SLC4A9: variants seen among roughly 807,000 people sequenced by gnomAD.
SLC4A9 encodes anion exchange protein 4.
Under a neutral mutation model 103.2 loss-of-function variants are expected in SLC4A9, and 102 were observed. The observed-to-expected ratio is 0.99, with a 90% CI of 0.84 to 1.17. The LOEUF is 1.17. Among genes scored for constraint, SLC4A9 ranks in the 50% most tolerant of loss-of-function variants. SLC4A9 has a pLI of 0.00. For missense variants in SLC4A9, 1,091 were observed against 1,193.7 expected (o/e 0.91, Z 1.27); for synonymous variants, 453 against 483.6 (o/e 0.94, Z 0.83).
In SLC4A9 at chr5:140,363,308, C is replaced by G; in HGVS notation, c.963-131C>G. ...ATATGACCTGGACCTTCTAGAGGCC[C>G]AGGTGTCGCCATGGTTCCCTCGCCG... On this transcript the variant is annotated intron_variant, in intron 7 of 21. Coordinates refer to ENST00000506757, the MANE Select transcript of SLC4A9 (RefSeq NM_031467.3). The surrounding 1 kb of genome is among the most constrained non-coding windows in gnomAD (Gnocchi z 4.5). The G allele has an allele frequency of 1.0e-6, 1 of 952,986 alleles. No homozygotes were observed. The allele number at this position is 952,986 out of a possible 1,614,324, so 59.0% of individuals were successfully genotyped here.
chr5:140,366,985 C>T (rs1201016334), intron 14 of SLC4A9, among the ~76,000 whole-genome samples: 5 of 152,218 alleles, frequency 3.3e-5, no homozygotes, highest in African/African-American at 1.2e-4. Flanking sequence ...AACTGGGGCC[C>T]CCTCCCCAAC....
rs573899811 is a variant in SLC4A9 at position 140,368,635 on chromosome 5, C to T, written c.2403C>T (p.Ser801=). ...TGGTGTTCATCCTTACAGGAGCCTC[C>T]ATCTTCCTGGCACCTGTGCTCAAGG... ...GLVVFILTGA[S]IFLAPVLKFI... is the part of the protein sequence containing the mutation. Residue 801 remains serine (S), a synonymous_variant, in exon 17 of 22, where the codon TCC becomes TCT. Transcript: ENST00000506757. 3.0e-5 allele frequency: 48 copies of T among 1,613,516 alleles called. No homozygotes were observed. Among genetic ancestry groups the T allele is most frequent in the Non-Finnish European group, 3.9e-5 (46 of 1,179,780 alleles).
At chr5:140,366,404 TCA>T (rs1767894914) in intron 14 of SLC4A9, 140 bp downstream of exon 14, 1 of 639,224 alleles carries the variant, frequency 1.6e-6, no homozygotes, top group Admixed American at 3.0e-5. Context: ...AATAATGGCC[TCA>T]CAGGGTTGTC....
At position 140,375,114 on chromosome 5, in the gene SLC4A9, T is replaced by C. The variant is rs1413633073; in HGVS notation, c.*333T>C. The C allele has an allele frequency of 6.6e-6, 1 of 152,066 alleles. No individual in the cohort carries two copies. The highest frequency in any genetic ancestry group is 1.5e-5 in the Non-Finnish European group (1 of 68,030). 9.4% of individuals were successfully genotyped at this position (152,066 alleles called of 1,614,324 possible). Reference sequence around the variant, plus strand: ...CTTGCAAAGAGAAAAAGCCAGTCTTTCCAGAATAAATATTCATCTGTTTGA... The same window carrying C: ...CTTGCAAAGAGAAAAAGCCAGTCTTCCCAGAATAAATATTCATCTGTTTGA... On this transcript the variant is annotated 3_prime_UTR_variant, in exon 22 of 22. Transcript: ENST00000506757.
At chr5:140,366,519 G>A (rs950940119) in intron 14 of SLC4A9, among the ~76,000 whole-genome samples, 2 of 152,168 alleles carry the variant, frequency 1.3e-5, no homozygotes, top group African/African-American at 4.8e-5. Flanking sequence ...TGATCAGCCA[G>A]CCCTGGGTTT....
intron 20 of SLC4A9, 139 bp from the exon 21 acceptor site, chr5:140,372,606 G>T (rs937468893): frequency 4.9e-6 from 7 of 1,440,824 alleles, no homozygotes; most frequent in Non-Finnish European, 6.4e-6. Flanking sequence ...GGTGGAAAGG[G>T]CTGAGGCTTC....
chr5:140,368,274 T>C (rs997913878), intron 16 of SLC4A9, among the ~76,000 whole-genome samples: 13 of 152,226 alleles, frequency 8.5e-5, no homozygotes, highest in Admixed American at 7.9e-4. Context: ...TGAAATCAAC[T>C]TGATAAATTG....
intron 20 of SLC4A9, 71 bp from the exon 21 acceptor site, chr5:140,372,674 A>T: frequency 6.8e-7 from 1 of 1,464,722 alleles, no homozygotes; most frequent in South Asian, 1.4e-5. Flanking sequence ...CTGTGGGTTT[A>T]CCTCTATGTT....
rs1288556622 is a variant in SLC4A9, at chr5:140,363,919, G to C, written c.1254+17G>C. On this transcript the variant is annotated intron_variant, in intron 9 of 21. Coordinates refer to ENST00000506757, the MANE Select transcript of SLC4A9 (RefSeq NM_031467.3). The surrounding 1 kb of genome is among the most constrained non-coding windows in gnomAD (Gnocchi z 4.5). ...GGTGCCCAGGTGGGTAGGGCCCAGG[G>C]GGCAGGCACAAGCGTTGGTGTCCCC... 1.2e-6 allele frequency: 2 copies of C among 1,611,864 alleles called. No individual in the cohort carries two copies. The highest frequency in any genetic ancestry group is 1.7e-5 in the Admixed American group (1 of 59,952).
chr5:140,369,041 G>C (rs928100588), intron 17 of SLC4A9, among the ~76,000 whole-genome samples: 11 of 152,184 alleles, frequency 7.2e-5, no homozygotes, highest in Non-Finnish European at 1.5e-4. Context: ...AGTATGATCA[G>C]CCCAGGTGCG....
At chr5:140,372,523 A>G in intron 20 of SLC4A9, 126 bp downstream of exon 20, 1 of 1,497,722 alleles carries the variant, frequency 6.7e-7, no homozygotes, top group South Asian at 1.3e-5. Flanking sequence ...CACTTCCCTT[A>G]TCTGTGTATG....
Position 140,371,462 on chromosome 5 carries a change from G to T in SLC4A9, c.2508G>T (p.Arg836Ser). 1 of 1,613,972 alleles carries T rather than the reference G, an allele frequency of 6.2e-7. No individual in the cohort carries two copies. The highest frequency in any genetic ancestry group is 8.5e-7 in the Non-Finnish European group (1 of 1,179,896). ...AALSSIQFTN[R>S]VKLLLMPAKH... is the part of the protein sequence containing the mutation. ...TCTTGTTCCCCTAGTTCACTAATAGGGTGAAGCTGTTGTTGATGCCAGCAA... is the reference window on the plus strand; with the variant it reads ...TCTTGTTCCCCTAGTTCACTAATAGTGTGAAGCTGTTGTTGATGCCAGCAA... Residue 836 changes from arginine to serine, a missense_variant, in exon 19 of 22, where the codon AGG (arginine) becomes AGT (serine). Arg to Ser is a moderately radical substitution (Grantham distance 110, BLOSUM62 -1). Transcript: ENST00000506757.
At position 140,371,172 on chromosome 5, in the gene SLC4A9, A is replaced by G. The variant is rs765976771; in HGVS notation, c.2496+9A>G. 1 of 1,607,248 alleles carries G rather than the reference A, an allele frequency of 6.2e-7. No homozygotes were observed. The highest frequency in any genetic ancestry group is 1.7e-5 in the Admixed American group (1 of 58,648). ...CGCTCAGCAGCATTCAGGTGAGCCC[A>G]TTAAAATCACCTAACAAAAGAAAAA... On this transcript the variant is annotated intron_variant, in intron 18 of 21. Coordinates refer to ENST00000506757, the MANE Select transcript of SLC4A9 (RefSeq NM_031467.3).
chr5:140,367,997 G>T (rs1768154837), intron 16 of SLC4A9, 99 bp downstream of exon 16: 1 of 1,286,802 alleles, frequency 7.8e-7, no homozygotes, highest in South Asian at 1.4e-5. Flanking sequence ...TTCTAAGCTG[G>T]TGTCCCACAA....
intron 17 of SLC4A9, 147 bp from the exon 18 acceptor site, chr5:140,370,948 A>G (rs1051234359): frequency 2.0e-5 from 12 of 614,676 alleles, no homozygotes; most frequent in South Asian, 1.3e-4. Flanking sequence ...ATTCAATAAG[A>G]TCGGCATGAA....
chr5:140,368,912 C>G (rs1768293964), intron 17 of SLC4A9, among the ~76,000 whole-genome samples: 4 of 152,218 alleles, frequency 2.6e-5, no homozygotes. Flanking sequence ...TGTCTGAGAA[C>G]TCAAACGCTT....
Position 140,362,064 on chromosome 5 carries a change from G to A in SLC4A9, c.609G>A (p.Gly203=), listed in dbSNP as rs762106485. 6.3e-7 allele frequency: 1 copy of A among 1,597,184 alleles called. No individual in the cohort carries two copies. Among genetic ancestry groups the A allele is most frequent in the Non-Finnish European group, 8.5e-7 (1 of 1,175,850 alleles). Residue 203 remains glycine (G), a synonymous_variant, in exon 5 of 22, where the codon GGG becomes GGA. Coordinates refer to ENST00000506757, the MANE Select transcript of SLC4A9 (RefSeq NM_031467.3). ...AGCTACCTCCAGGAGCTGAGGCAGG[G>A]ACTGTGCTGGCAGGGGAGCTGGGCT... ...RQKLPPGAEA[G]TVLAGELGFL...
Position 140,364,203 on chromosome 5 carries a change from C to A in SLC4A9, c.1388+16C>A, listed in dbSNP as rs756896762. On this transcript the variant is annotated intron_variant, in intron 10 of 21. Coordinates refer to ENST00000506757, the MANE Select transcript of SLC4A9 (RefSeq NM_031467.3). ...CTTTCAGCAGGTAGGAGAGCTCCCC[C>A]CATCACCGGACCCTCACTAGTGCCA... is the stretch of plus-strand genomic sequence containing the variant. The A allele has an allele frequency of 1.3e-6, 2 of 1,563,238 alleles. No individual in the cohort carries two copies. Among genetic ancestry groups the A allele is most frequent in the African/African-American group, 1.4e-5 (1 of 73,680 alleles).
intron 17 of SLC4A9, among the ~76,000 whole-genome samples, chr5:140,369,287 A>C (rs537795914): frequency 1.3e-5 from 2 of 152,072 alleles, no homozygotes; most frequent in South Asian, 2.1e-4. Context: ...TCTCAAAAAA[A>C]AAAAACAAAA....
Sources: gnomAD v4.1 joint callset for allele counts (sites outside exome capture counted in the v4.1 genomes callset) on GRCh38, gnomAD v4.1.1 for gene constraint, Gnocchi (gnomAD v3.1) non-coding constraint, MANE v1.5 for transcripts, NCBI Gene and HGNC (gene_info 2026-07-23, HGNC 2026-07-21) for gene names.